The following TULP4 variants were observed in gnomAD, a reference collection of about 807,000 sequenced individuals.
TULP4 encodes tubby-related protein 4.
Under a neutral mutation model 129.0 loss-of-function variants are expected in TULP4, and 16 were observed. That is an observed-to-expected ratio of 0.12 (90% CI 0.08 to 0.19). The LOEUF is 0.19. Ranked by LOEUF, TULP4 falls within the 10% of genes least tolerant of loss-of-function variation. The probability of loss-of-function intolerance (pLI) is 1.00; values close to 1 mark genes in which losing one functional copy is unlikely to be tolerated. For synonymous variants in TULP4, 998 were observed against 854.0 expected (o/e 1.17, Z -2.94); for missense variants, 1,842 against 2,059.1 (o/e 0.89, Z 2.04).
chr6:158,263,769 A>G (rs1488022756), intron 1 of TULP4, among the ~76,000 whole-genome samples: 4 of 148,508 alleles, frequency 2.7e-5, no homozygotes, highest in African/African-American at 2.5e-5. Context: ...AACAACAACA[A>G]CAGCAACAAC....
At position 158,493,452 on chromosome 6, in the gene TULP4, T is replaced by TGC; in HGVS notation, c.1632-120_1632-119dup. On this transcript the variant is annotated intron_variant, in intron 9 of 13. Coordinates refer to ENST00000367097, the MANE Select transcript of TULP4 (RefSeq NM_020245.5). This position sits in a 1 kb window ranked among gnomAD's most constrained non-coding sequence, Gnocchi z 4.4. ...AGCTTTGTTAAATTCGGGCACTGGC[T>TGC]GCAGGGTGAGAACCCAACACCCAGG... 14 of 1,089,710 alleles carry TGC rather than the reference T, an allele frequency of 1.3e-5. No homozygotes were observed. The highest frequency in any genetic ancestry group is 1.7e-5 in the Non-Finnish European group (14 of 817,280). The allele number at this position is 1,089,710 out of a possible 1,614,324, so 67.5% of individuals were successfully genotyped here. A position where few individuals can be genotyped will look rare whatever the true frequency, so the allele number is the denominator to read the frequency against.
intron 3 of TULP4, among the ~76,000 whole-genome samples, chr6:158,439,903 G>A (rs1424404446): frequency 6.6e-6 from 1 of 151,114 alleles, no homozygotes; most frequent in African/African-American, 2.4e-5. Flanking sequence ...TGTAGAGGCG[G>A]GGTTTCACTG....
At chr6:158,280,030 A>G (rs904947583), upstream of TULP4, among the ~76,000 whole-genome samples, 2 of 152,242 alleles carry the variant, frequency 1.3e-5, no homozygotes, top group Admixed American at 6.5e-5. Flanking sequence ...TTCTCCATCC[A>G]TAACTGGGAA....
At chr6:158,367,283 T>C (rs1360822377) in intron 1 of TULP4, among the ~76,000 whole-genome samples, 1 of 152,210 alleles carries the variant, frequency 6.6e-6, no homozygotes, top group Admixed American at 6.5e-5. Flanking sequence ...GCTATTTTAA[T>C]GTGGCCCAGA....
At chr6:158,394,284 C>A (rs543464694) in intron 1 of TULP4, among the ~76,000 whole-genome samples, 29 of 152,190 alleles carry the variant, frequency 1.9e-4, no homozygotes, top group Non-Finnish European at 3.8e-4. Context: ...TCACTATCAG[C>A]ATTTTGGTTA....
intron 1 of TULP4, among the ~76,000 whole-genome samples, chr6:158,271,705 C>T (rs1778550509): frequency 2.6e-5 from 4 of 152,188 alleles, no homozygotes; most frequent in South Asian, 4.1e-4. Flanking sequence ...GCTGGGATTA[C>T]AGGCATGAGC....
At chr6:158,476,762 C>T (rs599329) in intron 6 of TULP4, among the ~76,000 whole-genome samples, 90,918 of 152,050 alleles carry the variant, frequency 0.6, 27,797 homozygotes, top group African/African-American at 0.73. Flanking sequence ...AAGGGGCCAT[C>T]TGGGGCTCAC....
Position 158,274,708 on chromosome 6 carries a change from C to T in TULP4, n.69-37343C>T, listed in dbSNP as rs544905658. 1.3e-3 allele frequency among the ~76,000 whole-genome samples: 199 copies of T among 152,184 alleles called. 1 individual carries two copies. Among genetic ancestry groups the T allele is most frequent in the African/African-American group, 4.5e-3 (188 of 41,520 alleles). ...AGGAGAATGGCCTGAACCCAGGAGG[C>T]GGAGCTTGCAGTGAGCCGAGATTGC... On this transcript the variant is annotated intron_variant and non_coding_transcript_variant, in intron 1 of 1. Coordinates refer to the TULP4 transcript ENST00000620026.
intron 1 of TULP4, among the ~76,000 whole-genome samples, chr6:158,371,377 C>A (rs898528358): frequency 2.0e-5 from 3 of 152,204 alleles, no homozygotes; most frequent in African/African-American, 7.2e-5. Context: ...GATTAGCCTC[C>A]CTACTTCAGG....
chr6:158,371,450 T>TA (rs1180561779), intron 1 of TULP4, among the ~76,000 whole-genome samples: 2 of 152,182 alleles, frequency 1.3e-5, no homozygotes, highest in Non-Finnish European at 2.9e-5. Context: ...TCCCAACTGA[T>TA]ACAGGGTGAT....
At chr6:158,364,743 T>C (rs1780883404) in intron 1 of TULP4, among the ~76,000 whole-genome samples, 1 of 152,152 alleles carries the variant, frequency 6.6e-6, no homozygotes, top group African/African-American at 2.4e-5. Context: ...TTTGTTTGTT[T>C]GTTTGTTTTT....
At chr6:158,241,683 G>A (rs1777917607) in intron 1 of TULP4, among the ~76,000 whole-genome samples, 1 of 152,200 alleles carries the variant, frequency 6.6e-6, no homozygotes, top group East Asian at 1.9e-4. Context: ...CAACCTCTGC[G>A]TCTCTGGTTC....
chr6:158,316,630 G>A (rs1397194554), intron 1 of TULP4, among the ~76,000 whole-genome samples: 1 of 151,624 alleles, frequency 6.6e-6, no homozygotes, highest in Non-Finnish European at 1.5e-5. Context: ...TTATTCTTAT[G>A]TAACAAATCA....
intron 1 of TULP4, among the ~76,000 whole-genome samples, chr6:158,394,107 T>C (rs142135329): frequency 2.7e-4 from 41 of 152,352 alleles, no homozygotes; most frequent in African/African-American, 9.4e-4. Context: ...TTCTGGCAGA[T>C]ACCCTAATCA....
intron 3 of TULP4, among the ~76,000 whole-genome samples, chr6:158,435,481 T>G (rs1379870659): frequency 5.9e-5 from 9 of 152,116 alleles, no homozygotes; most frequent in Non-Finnish European, 1.2e-4. Flanking sequence ...GGATCTTGCC[T>G]CCTCCTCCCA....
intron 1 of TULP4, among the ~76,000 whole-genome samples, chr6:158,379,297 G>C (rs1777271308): frequency 6.6e-6 from 1 of 152,208 alleles, no homozygotes; most frequent in African/African-American, 2.4e-5. Context: ...CCCAAAAGCA[G>C]TGGTAGGGAA....
intron 1 of TULP4, among the ~76,000 whole-genome samples, chr6:158,302,788 G>A (rs1779153470): frequency 6.6e-6 from 1 of 152,022 alleles, no homozygotes; most frequent in Admixed American, 6.6e-5. Context: ...TGGGAGCACT[G>A]TAAGAGTTAT....
chr6:158,456,458 A>G (rs1365593040), intron 5 of TULP4, among the ~76,000 whole-genome samples: 1 of 151,278 alleles, frequency 6.6e-6, no homozygotes, highest in East Asian at 1.9e-4. Context: ...GTGGCCCAAG[A>G]CAATTCTTCT....
intron 1 of TULP4, chr6:158,237,535 G>A: frequency 5.1e-6 from 8 of 1,556,972 alleles, no homozygotes; most frequent in Non-Finnish European, 6.2e-6. Flanking sequence ...AGCTCCTGCA[G>A]TTGCTCCCTG....
Sources: allele counts gnomAD v4.1 joint callset (sites outside exome capture counted in the v4.1 genomes callset), GRCh38; gene constraint gnomAD v4.1.1; non-coding constraint Gnocchi (gnomAD v3.1); transcripts MANE v1.5; gene names NCBI Gene and HGNC (gene_info 2026-07-23, HGNC 2026-07-21).